The following PUS10 variants were observed in gnomAD, a reference collection of about 807,000 sequenced individuals.
PUS10 encodes tRNA pseudouridine synthase Pus10.
PUS10 carries 59 observed loss-of-function variants against 75.0 expected under a neutral mutation model. The ratio of observed to expected loss-of-function variants is 0.79; its 90% CI spans 0.64 to 0.98. The LOEUF is 0.98. Among genes scored for constraint, PUS10 ranks in the 50% least tolerant of loss-of-function variants. The probability of loss-of-function intolerance (pLI) is 0.00; values close to 1 mark genes in which losing one functional copy is unlikely to be tolerated. For missense variants in PUS10, 650 were observed against 614.4 expected, an observed-to-expected ratio of 1.06 and a Z score of -0.61; for synonymous variants, 219 against 211.6, an observed-to-expected ratio of 1.03 and a Z score of -0.30.
intron 4 of PUS10, among the ~76,000 whole-genome samples, chr2:60,999,602 A>T (rs1315470156): frequency 2.6e-5 from 4 of 152,192 alleles, no homozygotes; most frequent in Non-Finnish European, 5.9e-5. Flanking sequence ...CCTGGGTGAC[A>T]GAGAGAGACC....
intron 17 of PUS10, among the ~76,000 whole-genome samples, chr2:60,944,669 G>C (rs1437015818): frequency 6.6e-6 from 1 of 152,118 alleles, no homozygotes; most frequent in Non-Finnish European, 1.5e-5. Context: ...TTCTACCCTT[G>C]TGAATCCATG....
At chr2:61,003,760 G>A (rs748365592) in intron 4 of PUS10, among the ~76,000 whole-genome samples, 5 of 151,860 alleles carry the variant, frequency 3.3e-5, no homozygotes, top group Non-Finnish European at 4.4e-5. Flanking sequence ...TGCCCAGGCT[G>A]GTCTTGAACT....
Position 60,989,390 on chromosome 2 carries a change from T to C in PUS10, c.468+17167A>G, listed in dbSNP as rs1299207163. On this transcript the variant is annotated intron_variant, in intron 4 of 17. Coordinates refer to ENST00000316752, the MANE Select transcript of PUS10 (RefSeq NM_144709.4). ...AATGAAGGTCTTTTGATTGAGTCTT[T>C]TGAGTCACATTTAAGGGCATTAATA... Among the ~76,000 whole-genome samples, 3 of 152,174 alleles carry C rather than the reference T, an allele frequency of 2.0e-5. No individual in the cohort carries two copies. In the East Asian group the frequency reaches 5.8e-4, roughly 29 times the overall value.
chr2:60,995,004 C>T (rs189139607), intron 4 of PUS10, among the ~76,000 whole-genome samples: 98 of 152,196 alleles, frequency 6.4e-4, no homozygotes, highest in African/African-American at 2.2e-3. Context: ...GCAGGAGAAT[C>T]GCTAGAACCC....
chr2:60,960,062 G>A (rs1451806374), intron 11 of PUS10, among the ~76,000 whole-genome samples: 1 of 148,134 alleles, frequency 6.8e-6, no homozygotes, highest in Non-Finnish European at 1.5e-5. Flanking sequence ...CATACCTGTG[G>A]TCCCAGCTAC....
At chr2:60,949,527 C>CT (rs1675205073) in intron 15 of PUS10, among the ~76,000 whole-genome samples, 1 of 151,764 alleles carries the variant, frequency 6.6e-6, no homozygotes, top group Non-Finnish European at 1.5e-5. Context: ...TACTGCTGAG[C>CT]TTTCAGAAGC....
intron 1 of PUS10, among the ~76,000 whole-genome samples, chr2:61,013,459 T>C (rs1679763077): frequency 6.6e-6 from 1 of 152,346 alleles, no homozygotes; most frequent in Non-Finnish European, 1.5e-5. Context: ...ATCATATTTC[T>C]ATGTGCCATC....
intron 1 of PUS10, among the ~76,000 whole-genome samples, chr2:61,016,654 C>T (rs1679998195): frequency 1.3e-5 from 2 of 152,070 alleles, no homozygotes; most frequent in African/African-American, 4.8e-5. Flanking sequence ...CCCTCCTCCC[C>T]AAATCAAGGA....
intron 4 of PUS10, among the ~76,000 whole-genome samples, chr2:61,002,507 G>A (rs543190027): frequency 6.6e-6 from 1 of 152,252 alleles, no homozygotes; most frequent in South Asian, 2.1e-4. Context: ...GAGCACAGTG[G>A]TGCAATCTCA....
chr2:60,974,663 C>T (rs1676918067), intron 4 of PUS10, among the ~76,000 whole-genome samples: 1 of 152,208 alleles, frequency 6.6e-6, no homozygotes, highest in Non-Finnish European at 1.5e-5. Context: ...CAGGTGCCAC[C>T]ATATTCCCCG....
intron 2 of PUS10, chr2:61,009,707 T>C (rs1679473766): frequency 1.3e-5 from 2 of 152,312 alleles, no homozygotes; most frequent in South Asian, 4.1e-4. Flanking sequence ...ATTCAGATAT[T>C]CCTCTCATCA....
At chr2:61,002,393 C>G (rs1024703799) in intron 4 of PUS10, among the ~76,000 whole-genome samples, 2 of 152,156 alleles carry the variant, frequency 1.3e-5, no homozygotes, top group African/African-American at 4.8e-5. Flanking sequence ...AATAAACAAC[C>G]CTTCCCTTGG....
At chr2:60,995,876 C>T (rs1678428725) in intron 4 of PUS10, among the ~76,000 whole-genome samples, 1 of 152,164 alleles carries the variant, frequency 6.6e-6, no homozygotes, top group Admixed American at 6.5e-5. Flanking sequence ...ACCTGATCTC[C>T]CTCAATTACC....
chr2:60,967,699 T>C, intron 5 of PUS10, 86 bp from the exon 6 acceptor site: 1 of 883,056 alleles, frequency 1.1e-6, no homozygotes, highest in Non-Finnish European at 1.8e-6. Context: ...ATTTTTAAAA[T>C]ATTGATTGAG....
At chr2:60,973,879 A>G (rs1393819011) in intron 4 of PUS10, among the ~76,000 whole-genome samples, 1 of 152,222 alleles carries the variant, frequency 6.6e-6, no homozygotes, top group Non-Finnish European at 1.5e-5. Context: ...GGACTCAGCC[A>G]GACCCAAAGA....
intron 3 of PUS10, among the ~76,000 whole-genome samples, chr2:61,007,806 C>A (rs1261282646): frequency 1.3e-5 from 2 of 149,568 alleles, no homozygotes; most frequent in Non-Finnish European, 3.0e-5. Flanking sequence ...AAGAATTTGG[C>A]CGGGCACGGT....
At chr2:60,956,818 C>CA (rs1271835532) in intron 11 of PUS10, among the ~76,000 whole-genome samples, 1 of 150,926 alleles carries the variant, frequency 6.6e-6, no homozygotes, top group Non-Finnish European at 1.5e-5. Context: ...ACTAAAAATA[C>CA]AAAAAAATTA....
chr2:61,012,834 CAAAAAAAAA>C (rs70959885), intron 1 of PUS10, among the ~76,000 whole-genome samples: 6 of 30,164 alleles, frequency 2.0e-4, no homozygotes, highest in Admixed American at 6.7e-4. Flanking sequence ...AACTCCGTCT[CAAAAAAAAA>C]AAAAAAAAAA....
At chr2:60,985,005 AGTAAGCAT>A (rs1224073637) in intron 4 of PUS10, among the ~76,000 whole-genome samples, 1 of 152,222 alleles carries the variant, frequency 6.6e-6, no homozygotes, top group African/African-American at 2.4e-5. Context: ...TGGCACTTTC[AGTAAGCAT>A]GTGCTGTTTT....
Sources: gnomAD v4.1 joint callset for allele counts (sites outside exome capture counted in the v4.1 genomes callset) on GRCh38, gnomAD v4.1.1 for gene constraint, MANE v1.5 for transcripts, NCBI Gene and HGNC (gene_info 2026-07-23, HGNC 2026-07-21) for gene names.